The following WDPCP variants were observed in gnomAD, a reference collection of about 807,000 sequenced individuals.
WDPCP encodes the protein WD repeat-containing and planar cell polarity effector protein fritz homolog.
In WDPCP, 71 loss-of-function variants were observed where a neutral mutation model predicts 93.1. The observed-to-expected ratio is 0.76, with a 90% CI of 0.63 to 0.93. WDPCP has a LOEUF of 0.93. WDPCP is among the 40% of genes least tolerant of loss of function. WDPCP has a pLI of 0.00. For missense variants in WDPCP, 844 were observed against 887.4 expected, an observed-to-expected ratio of 0.95 and a Z score of 0.62; for synonymous variants, 315 against 315.0, an observed-to-expected ratio of 1.00 and a Z score of 0.00.
At chr2:63,218,400 C>T (rs948150618) in intron 14 of WDPCP, among the ~76,000 whole-genome samples, 9 of 152,082 alleles carry the variant, frequency 5.9e-5, no homozygotes, top group Non-Finnish European at 1.2e-4. Flanking sequence ...CAGTTCAGAA[C>T]TGTACAGTTG....
At chr2:63,712,014 A>C (rs1004748940) in intron 2 of WDPCP, among the ~76,000 whole-genome samples, 1 of 152,086 alleles carries the variant, frequency 6.6e-6, no homozygotes, top group South Asian at 2.1e-4. Flanking sequence ...CATTCTCCCT[A>C]TATCAGAGAG....
Position 63,505,659 on chromosome 2 carries a change from C to A in WDPCP, c.76-12719G>T, listed in dbSNP as rs145835119. 7.2e-5 allele frequency among the ~76,000 whole-genome samples: 11 copies of A among 152,168 alleles called. No homozygotes were observed. The East Asian group carries it at 2.1e-3, about 29-fold the overall frequency. ...AAATAACTGTTCAATAAATGTGCTT[C>A]TCTTTCATGAACATTCAATATCCTT... On this transcript the variant is annotated intron_variant, in intron 1 of 17. Coordinates refer to ENST00000272321, the MANE Select transcript of WDPCP (RefSeq NM_015910.7).
In WDPCP at chr2:63,173,285, AG is replaced by A. The variant is rs1255633188; in HGVS notation, c.2078+1384del. On this transcript the variant is annotated intron_variant, in intron 15 of 17. Coordinates refer to ENST00000272321, the MANE Select transcript of WDPCP (RefSeq NM_015910.7). ...CTCTGTCGCAAAAAAAAAAAAAAAA[AG>A]AAAAAATTGTGGAGAGCTTAATTAG... Among the ~76,000 whole-genome samples, 248 of 145,850 alleles carry A rather than the reference AG, an allele frequency of 1.7e-3. 4 individuals are homozygous for A. The highest frequency in any genetic ancestry group is 5.7e-3 in the African/African-American group (225 of 39,622).
At chr2:63,281,840 G>A (rs145178094) in intron 13 of WDPCP, among the ~76,000 whole-genome samples, 153 of 152,086 alleles carry the variant, frequency 1.0e-3, no homozygotes, top group Admixed American at 2.0e-3. Flanking sequence ...GTGGGGGTGC[G>A]GTGAATGATA....
At chr2:63,313,870 ATATATATATATATATAT>A (rs1686388076) in intron 12 of WDPCP, among the ~76,000 whole-genome samples, 1 of 48,686 alleles carries the variant, frequency 2.1e-5, no homozygotes, top group African/African-American at 6.0e-5. Flanking sequence ...ATATATATAT[ATATATATATATATATAT>A]TTTTTTTTTT....
At position 63,637,760 on chromosome 2, in the gene WDPCP, T is replaced by G. The variant is rs1213972528; in HGVS notation, n.488+12899A>C. On this transcript the variant is annotated intron_variant and non_coding_transcript_variant, in intron 3 of 4. Coordinates refer to the WDPCP transcript ENST00000467687. Reference sequence around the variant, plus strand: ...ATAATCTCACATCTGTTAGGATGTCTCTAATAAAAAATATCAAAAGATACC... The same window carrying G: ...ATAATCTCACATCTGTTAGGATGTCGCTAATAAAAAATATCAAAAGATACC... 2.6e-5 allele frequency among the ~76,000 whole-genome samples: 4 copies of G among 152,162 alleles called. No individual in the cohort carries two copies. The South Asian group carries it at 8.3e-4, about 32-fold the overall frequency.
At chr2:63,637,189 TA>T in intron 3 of WDPCP, among the ~76,000 whole-genome samples, 1 of 151,726 alleles carries the variant, frequency 6.6e-6, no homozygotes, top group Middle Eastern at 3.4e-3. Flanking sequence ...CCACCTCTAC[TA>T]AAAATACAAA....
At chr2:63,457,081 T>G (rs560306829) in intron 6 of WDPCP, among the ~76,000 whole-genome samples, 3 of 152,070 alleles carry the variant, frequency 2.0e-5, no homozygotes, top group African/African-American at 7.2e-5. Context: ...ATGGATAAAC[T>G]ACTTGCTAGA....
At chr2:63,725,246 T>G (rs1413506001) in intron 2 of WDPCP, among the ~76,000 whole-genome samples, 1 of 152,206 alleles carries the variant, frequency 6.6e-6, no homozygotes, top group Non-Finnish European at 1.5e-5. Flanking sequence ...GTTCCCTTAG[T>G]GTCCATGTGT....
intron 14 of WDPCP, among the ~76,000 whole-genome samples, chr2:63,218,886 G>A (rs1677577220): frequency 1.3e-5 from 2 of 152,102 alleles, no homozygotes; most frequent in African/African-American, 4.8e-5. Flanking sequence ...CTCCAATGAA[G>A]TTTTTGTTAT....
intron 1 of WDPCP, among the ~76,000 whole-genome samples, chr2:63,556,448 T>TC (rs1706130641): frequency 6.6e-6 from 1 of 152,286 alleles, no homozygotes; most frequent in Admixed American, 6.5e-5. Flanking sequence ...CAGGAGAATG[T>TC]CCCCAAACTA....
chr2:63,623,001 C>T lies in WDPCP; in HGVS notation n.488+27658G>A, dbSNP rs867516379. Among the ~76,000 whole-genome samples the T allele has an allele frequency of 2.4e-4, 36 of 152,316 alleles. 1 individual carries two copies. The highest frequency in any genetic ancestry group is 3.4e-3 in the Middle Eastern group (1 of 292). ...GCTGCTGCCGCCGCCATGAGTTGTC[C>T]GACCGCGCGCCACTTCCGGCGCAGC... On this transcript the variant is annotated intron_variant and non_coding_transcript_variant, in intron 3 of 4. Transcript: ENST00000467687.
chr2:63,450,186 T>C (rs1698141714), intron 6 of WDPCP, among the ~76,000 whole-genome samples: 2 of 152,118 alleles, frequency 1.3e-5, no homozygotes, highest in Non-Finnish European at 2.9e-5. Context: ...ACTGCAGGCA[T>C]AGTCAGTAAG....
rs562493092 is a variant in WDPCP, at chr2:63,435,971, T to C, written c.633+1450A>G. ...TAGATGTCTTTTCCTCATCTTTTCA[T>C]AAGAAAAGATGACATCTTGACAGTT... is the stretch of plus-strand genomic sequence containing the variant. On this transcript the variant is annotated intron_variant, in intron 8 of 17. Transcript: ENST00000272321. Among the ~76,000 whole-genome samples the C allele has an allele frequency of 4.6e-5, 7 of 152,164 alleles. No homozygotes were observed. In the East Asian group the frequency reaches 1.4e-3, roughly 29 times the overall value.
intron 3 of WDPCP, among the ~76,000 whole-genome samples, chr2:63,616,205 C>T (rs187754271): frequency 2.0e-4 from 30 of 152,282 alleles, no homozygotes; most frequent in Admixed American, 1.1e-3. Context: ...TTCTCTAAAT[C>T]TTTCTGAGGC....
intron 1 of WDPCP, among the ~76,000 whole-genome samples, chr2:63,526,668 C>A (rs72806010): frequency 0.19 from 28,341 of 152,130 alleles, 3,365 homozygotes; most frequent in Non-Finnish European, 0.24. Flanking sequence ...ATGTAGAAAT[C>A]TCTTCCCTGT....
intron 1 of WDPCP, among the ~76,000 whole-genome samples, chr2:63,819,607 T>C (rs553495691): frequency 9.8e-5 from 15 of 152,290 alleles, no homozygotes; most frequent in African/African-American, 2.6e-4. Context: ...ACATGAGAAT[T>C]TGCATTTATT....
At chr2:63,178,199 T>C (rs1360578569) in intron 14 of WDPCP, among the ~76,000 whole-genome samples, 1 of 152,204 alleles carries the variant, frequency 6.6e-6, no homozygotes, top group Non-Finnish European at 1.5e-5. Context: ...TCATCTGGCT[T>C]TGTTACTAGG....
chr2:63,664,688 C>T (rs978651416), intron 2 of WDPCP, among the ~76,000 whole-genome samples: 4 of 151,840 alleles, frequency 2.6e-5, no homozygotes, highest in African/African-American at 9.7e-5. Flanking sequence ...ATGTCCACTA[C>T]CAGAATAGAA....
Sources: allele counts gnomAD v4.1 joint callset (sites outside exome capture counted in the v4.1 genomes callset), GRCh38; gene constraint gnomAD v4.1.1; transcripts MANE v1.5; gene names NCBI Gene and HGNC (gene_info 2026-07-23, HGNC 2026-07-21).